Variants in OR3A2 observed in about 807,000 individuals in gnomAD.
The protein encoded by OR3A2 is olfactory receptor family 3 subfamily A member 2.
For synonymous variants in OR3A2, 126 were observed against 159.3 expected (o/e 0.79, Z 1.57); for missense variants, 318 against 392.8 (o/e 0.81, Z 1.61).
intron 2 of OR3A2, among the ~76,000 whole-genome samples, chr17:3,370,909 C>G (rs1416232760): frequency 6.6e-6 from 1 of 152,116 alleles, no homozygotes; most frequent in Non-Finnish European, 1.5e-5. Flanking sequence ...CCTGAGTGGA[C>G]ACAGCACATG....
intron 3 of OR3A2, among the ~76,000 whole-genome samples, chr17:3,303,741 C>A (rs2048981765): frequency 2.6e-5 from 1 of 38,030 alleles, no homozygotes; most frequent in South Asian, 2.3e-3. Context: ...AAGACTTCAT[C>A]TCAAAAAAAA....
chr17:3,319,381 A>G (rs1015815374), intron 3 of OR3A2, among the ~76,000 whole-genome samples: 1 of 151,650 alleles, frequency 6.6e-6, no homozygotes, highest in Admixed American at 6.6e-5. Context: ...ATTTTTTTAA[A>G]TTTTATTATT....
chr17:3,362,981 C>T (rs183154153), intron 2 of OR3A2, among the ~76,000 whole-genome samples: 1 of 152,008 alleles, frequency 6.6e-6, no homozygotes, highest in East Asian at 1.9e-4. Flanking sequence ...ATGCAGGGTG[C>T]CATGTCCCAA....
intron 3 of OR3A2, among the ~76,000 whole-genome samples, chr17:3,331,676 C>T (rs1261213163): frequency 1.3e-5 from 2 of 151,504 alleles, no homozygotes; most frequent in Admixed American, 1.3e-4. Flanking sequence ...TCCCGTAGCT[C>T]AGAGTAATTT....
At chr17:3,343,619 G>C (rs2049338955) in intron 2 of OR3A2, among the ~76,000 whole-genome samples, 1 of 152,052 alleles carries the variant, frequency 6.6e-6, no homozygotes, top group Non-Finnish European at 1.5e-5. Flanking sequence ...AGAAAACTAA[G>C]CCACAAATTC....
chr17:3,337,956 T>G (rs2049285415), intron 2 of OR3A2, among the ~76,000 whole-genome samples: 1 of 152,254 alleles, frequency 6.6e-6, no homozygotes, highest in South Asian at 2.1e-4. Context: ...AACTTTTTAA[T>G]GATCGCCATT....
At chr17:3,383,716 G>GGT (rs1369064330) in intron 2 of OR3A2, 1 of 152,064 alleles carries the variant, frequency 6.6e-6, no homozygotes, top group Admixed American at 6.5e-5. Flanking sequence ...GGTTGGAAGG[G>GGT]GCATAGCAGA....
intron 2 of OR3A2, among the ~76,000 whole-genome samples, chr17:3,353,187 G>T (rs191844063): frequency 6.6e-6 from 1 of 151,014 alleles, no homozygotes; most frequent in African/African-American, 2.4e-5. Context: ...TTCCAAAAAT[G>T]CCATAACAAT....
At chr17:3,357,516 C>T (rs924384014) in intron 2 of OR3A2, among the ~76,000 whole-genome samples, 5 of 151,344 alleles carry the variant, frequency 3.3e-5, no homozygotes, top group Non-Finnish European at 7.4e-5. Flanking sequence ...TAGTCAAACT[C>T]AAAGAGACAA....
intron 2 of OR3A2, among the ~76,000 whole-genome samples, chr17:3,364,310 T>C (rs1051274619): frequency 6.6e-6 from 1 of 152,238 alleles, no homozygotes; most frequent in African/African-American, 2.4e-5. Context: ...TCAGGCTAGT[T>C]AGCATATCTC....
intron 2 of OR3A2, among the ~76,000 whole-genome samples, chr17:3,356,337 C>T (rs1166977191): frequency 6.6e-6 from 1 of 151,470 alleles, no homozygotes; most frequent in Non-Finnish European, 1.5e-5. Context: ...TTTGTACCTT[C>T]AGATAATTTT....
chr17:3,326,718 C>A (rs1391344923), intron 3 of OR3A2, among the ~76,000 whole-genome samples: 5 of 122,298 alleles, frequency 4.1e-5, no homozygotes, highest in Non-Finnish European at 6.6e-5. Flanking sequence ...CCCACTCCAC[C>A]ACAGTCCCCA....
rs186712353 is a variant in OR3A2 at position 3,326,666 on chromosome 17, T to A, written c.-85+9367A>T. Among the ~76,000 whole-genome samples, 1,193 of 149,150 alleles carry A rather than the reference T, an allele frequency of 8.0e-3. 23 individuals carry two copies. Among genetic ancestry groups the A allele is most frequent in the African/African-American group, 0.028 (1,133 of 40,088 alleles). On this transcript the variant is annotated intron_variant, in intron 3 of 4. Coordinates refer to the OR3A2 transcript ENST00000573491. Reference sequence around the variant, plus strand: ...GTGCTGCACCCACTAACTCGTCATCTAGTATTAGGTATATCTCCCAATGCT... The same window carrying A: ...GTGCTGCACCCACTAACTCGTCATCAAGTATTAGGTATATCTCCCAATGCT...
At chr17:3,383,780 A>T (rs911524800) in intron 2 of OR3A2, 1 of 152,054 alleles carries the variant, frequency 6.6e-6, no homozygotes, top group African/African-American at 2.4e-5. Context: ...AGCAAAATAT[A>T]AAAAATGTTA....
At chr17:3,285,702 C>G (rs183129586), upstream of OR3A2, among the ~76,000 whole-genome samples, 230 of 152,258 alleles carry the variant, frequency 1.5e-3, 1 homozygote, top group African/African-American at 5.3e-3. Flanking sequence ...ATGAAAGGAT[C>G]GCTTGAGCCC....
chr17:3,326,603 G>A (rs1024685070), intron 3 of OR3A2, among the ~76,000 whole-genome samples: 10 of 147,712 alleles, frequency 6.8e-5, no homozygotes, highest in South Asian at 4.3e-4. Flanking sequence ...TGCACATTGT[G>A]CAGGTCAGTT....
At position 3,356,309 on chromosome 17, in the gene OR3A2, T is replaced by G. The variant is rs575149261; in HGVS notation, c.-178-20183A>C. Among the ~76,000 whole-genome samples, 11 of 151,638 alleles carry G rather than the reference T, an allele frequency of 7.3e-5. No homozygotes were observed. The East Asian group carries it at 2.1e-3, about 29-fold the overall frequency. On this transcript the variant is annotated intron_variant, in intron 2 of 4. Coordinates refer to the OR3A2 transcript ENST00000573491. ...TTTAAGATTCTGTTTTTCCATGCAC[T>G]TACTATTACCAGTCAGTTTTGTACC...
chr17:3,319,637 G>C (rs2150634858), intron 3 of OR3A2, among the ~76,000 whole-genome samples: 1 of 152,190 alleles, frequency 6.6e-6, no homozygotes, highest in South Asian at 2.1e-4. Context: ...TCGGTTTTCT[G>C]TTCATGTGTT....
intron 2 of OR3A2, among the ~76,000 whole-genome samples, chr17:3,372,080 A>G (rs1429377742): frequency 1.5e-5 from 2 of 137,346 alleles, no homozygotes; most frequent in African/African-American, 2.9e-5. Flanking sequence ...GGCAGTTGCC[A>G]GGCGGAGGGT....
Sources: allele counts gnomAD v4.1 joint callset (sites outside exome capture counted in the v4.1 genomes callset), GRCh38; gene constraint gnomAD v4.1.1; transcripts MANE v1.5; gene names NCBI Gene and HGNC (gene_info 2026-07-23, HGNC 2026-07-21).